CEP83: variants seen among roughly 807,000 people sequenced by gnomAD.
CEP83 encodes centrosomal protein 83.
A neutral mutation model predicts 101.9 loss-of-function variants in CEP83; 70 were observed. The observed-to-expected ratio is 0.69, with a 90% confidence interval of 0.57 to 0.84. The LOEUF (loss-of-function observed/expected upper bound fraction) is 0.84, where lower values mean the gene tolerates loss of function less well. CEP83 is among the 40% of genes least tolerant of loss of function. The pLI is 0.00. For synonymous variants in CEP83, 264 were observed against 267.9 expected (o/e 0.99, Z 0.14); for missense variants, 715 against 787.2 (o/e 0.91, Z 1.10).
rs576407715 is a variant in CEP83 at position 94,415,961 on chromosome 12, A to AT, written c.-101-3371_-101-3370insA. Reference sequence around the variant, plus strand: ...GACCACATGCCAGGTATTTAAAAAAAATTTCAAACATTTTAAAAGACCAAG... The same window carrying AT: ...GACCACATGCCAGGTATTTAAAAAAATATTTCAAACATTTTAAAAGACCAAG... On this transcript the variant is annotated intron_variant, in intron 2 of 16. Coordinates refer to ENST00000397809, the MANE Select transcript of CEP83 (RefSeq NM_016122.3). Among the ~76,000 whole-genome samples the AT allele has an allele frequency of 2.4e-4, 37 of 152,330 alleles. 1 individual carries two copies. The South Asian group carries it at 7.7e-3, about 32-fold the overall frequency.
At chr12:94,458,670 G>A (rs907601893) in intron 1 of CEP83, among the ~76,000 whole-genome samples, 10 of 152,088 alleles carry the variant, frequency 6.6e-5, no homozygotes, top group Non-Finnish European at 1.2e-4. Flanking sequence ...CCCAGGAGGC[G>A]GAGGTTGCAG....
At chr12:94,324,681 G>GT (rs1347393286) in intron 14 of CEP83, among the ~76,000 whole-genome samples, 6 of 152,148 alleles carry the variant, frequency 3.9e-5, no homozygotes, top group African/African-American at 1.4e-4. Context: ...TGATGGTGAT[G>GT]TTGTTTGCTA....
intron 11 of CEP83, among the ~76,000 whole-genome samples, chr12:94,339,776 C>CTAATAATTGT (rs1479755284): frequency 1.1e-4 from 16 of 152,152 alleles, no homozygotes; most frequent in Non-Finnish European, 2.1e-4. Flanking sequence ...TTGACACTGG[C>CTAATAATTGT]CATTATTAGC....
At chr12:94,280,813 G>C in the CEP83 span, among the ~76,000 whole-genome samples, 1 of 152,210 alleles carries the variant, frequency 6.6e-6, no homozygotes, top group African/African-American at 2.4e-5. Context: ...TGAGTAGGTA[G>C]TAGCATCCTT....
intron 15 of CEP83, among the ~76,000 whole-genome samples, chr12:94,311,312 C>T (rs1326766913): frequency 3.3e-5 from 5 of 152,188 alleles, no homozygotes; most frequent in African/African-American, 1.2e-4. Flanking sequence ...AATATCCTTT[C>T]TAGTAAGCTG....
the CEP83 span, among the ~76,000 whole-genome samples, chr12:94,301,436 T>C: frequency 6.6e-6 from 1 of 152,226 alleles, no homozygotes; most frequent in South Asian, 2.1e-4. Context: ...TATTTGAATA[T>C]AACACATTGC....
intron 4 of CEP83, among the ~76,000 whole-genome samples, chr12:94,403,963 G>T (rs4761614): frequency 0.56 from 84,826 of 151,472 alleles, 23,766 homozygotes; most frequent in Admixed American, 0.59. Context: ...TTTTTATGAA[G>T]AGTCCAAATA....
chr12:94,303,038 T>C (rs1308738943), downstream of CEP83, among the ~76,000 whole-genome samples: 1 of 152,218 alleles, frequency 6.6e-6, no homozygotes, highest in Non-Finnish European at 1.5e-5. Context: ...AGCCCTATCA[T>C]TAACTTACCT....
chr12:94,267,633 G>A, the CEP83 span, among the ~76,000 whole-genome samples: 1 of 152,212 alleles, frequency 6.6e-6, no homozygotes, highest in Non-Finnish European at 1.5e-5. Flanking sequence ...ATGATTGTTA[G>A]TGCCTCTTAT....
At chr12:94,275,306 A>G in the CEP83 span, among the ~76,000 whole-genome samples, 1 of 152,204 alleles carries the variant, frequency 6.6e-6, no homozygotes, top group Non-Finnish European at 1.5e-5. Context: ...CTAATACTAA[A>G]TAGGGCAGGA....
chr12:94,420,724 G>A (rs2064669822), intron 2 of CEP83, among the ~76,000 whole-genome samples: 1 of 151,974 alleles, frequency 6.6e-6, no homozygotes, highest in South Asian at 2.1e-4. Context: ...TATATATATA[G>A]GGTGAATATT....
chr12:94,276,818 C>A, the CEP83 span: 3 of 152,246 alleles, frequency 2.0e-5, no homozygotes, highest in African/African-American at 7.2e-5. Flanking sequence ...GGCCTTTGAA[C>A]CCCTTCCTAG....
chr12:94,364,640 CA>C (rs200010399), intron 11 of CEP83, among the ~76,000 whole-genome samples: 13 of 151,700 alleles, frequency 8.6e-5, no homozygotes, highest in African/African-American at 2.7e-4. Flanking sequence ...AAAATTAAAA[CA>C]AAAAAAATTT....
chr12:94,423,807 C>T, intron 2 of CEP83: 1 of 1,613,712 alleles, frequency 6.2e-7, no homozygotes, highest in African/African-American at 1.3e-5. Context: ...CCACTTGGTT[C>T]TGTTGGCCGC....
chr12:94,413,704 G>A (rs1258487004), intron 2 of CEP83, among the ~76,000 whole-genome samples: 1 of 151,904 alleles, frequency 6.6e-6, no homozygotes, highest in African/African-American at 2.4e-5. Flanking sequence ...TATTACAAAC[G>A]TCACTGTTTA....
intron 2 of CEP83, among the ~76,000 whole-genome samples, chr12:94,415,203 G>C (rs1396400560): frequency 2.0e-5 from 3 of 152,104 alleles, no homozygotes; most frequent in East Asian, 1.9e-4. Flanking sequence ...AAAAGAGAAT[G>C]ACAGTAATTT....
At chr12:94,343,101 G>GTATATATATATAGAACTTCATATATA (rs1483782223) in intron 11 of CEP83, among the ~76,000 whole-genome samples, 2 of 149,748 alleles carry the variant, frequency 1.3e-5, no homozygotes, top group Non-Finnish European at 3.0e-5. Context: ...GTGTGTGTAT[G>GTATATATATATAGAACTTCATATATA]TATATATATA....
chr12:94,287,834 A>G, the CEP83 span, among the ~76,000 whole-genome samples: 1 of 152,174 alleles, frequency 6.6e-6, no homozygotes, highest in East Asian at 1.9e-4. Context: ...AACACGTATA[A>G]TGCTTCTTGT....
intron 14 of CEP83, among the ~76,000 whole-genome samples, chr12:94,328,004 T>C (rs113987418): frequency 0.057 from 8,731 of 152,276 alleles, 279 homozygotes; most frequent in Non-Finnish European, 0.072. Context: ...CTTCTATTTC[T>C]CCCCAGTGTA....
Sources: allele counts gnomAD v4.1 joint callset (sites outside exome capture counted in the v4.1 genomes callset), GRCh38; gene constraint gnomAD v4.1.1; transcripts MANE v1.5; gene names NCBI Gene and HGNC (gene_info 2026-07-23, HGNC 2026-07-21).